The following CRACR2A variants were observed in gnomAD, a reference collection of about 807,000 sequenced individuals.
CRACR2A encodes the protein calcium release activated channel regulator 2A, also known as EF-hand calcium-binding domain-containing protein 4B.
CRACR2A carries 79 observed loss-of-function variants against 90.5 expected under a neutral mutation model. That is an observed-to-expected ratio of 0.87 (90% CI 0.73 to 1.05). The LOEUF (loss-of-function observed/expected upper bound fraction) is 1.05. CRACR2A is among the 50% of genes least tolerant of loss of function. The pLI, the probability that CRACR2A is intolerant of heterozygous loss-of-function variation, is 0.00. For missense variants in CRACR2A, 823 were observed against 897.2 expected (o/e 0.92, Z 1.06); for synonymous variants, 338 against 356.7 (o/e 0.95, Z 0.59).
chr12:3,734,223 C>T lies in CRACR2A; in HGVS notation c.-386-1013G>A, dbSNP rs185238993. Among the ~76,000 whole-genome samples the T allele has an allele frequency of 4.7e-3, 717 of 151,818 alleles. 3 individuals carry two copies. Among genetic ancestry groups the T allele is most frequent in the Middle Eastern group, 0.01 (3 of 294 alleles). On this transcript the variant is annotated intron_variant, in intron 1 of 19. Transcript: ENST00000440314. ...CTATCTCCTGACCTCGTGATCTGCC[C>T]GCCTCAGCCTCCCAAAGTGCTGGGA...
chr12:3,640,886 C>A, intron 13 of CRACR2A: 2 of 1,213,286 alleles, frequency 1.6e-6, no homozygotes, highest in Non-Finnish European at 1.1e-6. Flanking sequence ...TCATGTGCTG[C>A]CCAAGAGCAA....
chr12:3,669,378 T>C (rs541115368), intron 7 of CRACR2A, among the ~76,000 whole-genome samples: 1 of 152,288 alleles, frequency 6.6e-6, no homozygotes, highest in Non-Finnish European at 1.5e-5. Flanking sequence ...TTCTCCCCAA[T>C]GTCTACACTA....
intron 4 of CRACR2A, among the ~76,000 whole-genome samples, chr12:3,691,791 T>C (rs7972524): frequency 3.0e-3 from 460 of 152,386 alleles, no homozygotes; most frequent in African/African-American, 9.8e-3. Context: ...CAGTAAGTCA[T>C]AGATTTTGTC....
At chr12:3,744,470 CAG>C (rs971236673) in intron 1 of CRACR2A, among the ~76,000 whole-genome samples, 10 of 152,200 alleles carry the variant, frequency 6.6e-5, no homozygotes, top group African/African-American at 1.9e-4. Context: ...CAGGAAGAAT[CAG>C]AGAGTCCAGA....
At chr12:3,644,753 G>T in intron 11 of CRACR2A, 113 bp from the exon 12 acceptor site, 1 of 935,486 alleles carries the variant, frequency 1.1e-6, no homozygotes, top group Non-Finnish European at 1.7e-6. Context: ...ATGGAAGACA[G>T]GGGAGTCTGT....
At chr12:3,720,877 G>A (rs1946159084) in intron 2 of CRACR2A, among the ~76,000 whole-genome samples, 1 of 152,236 alleles carries the variant, frequency 6.6e-6, no homozygotes. Flanking sequence ...AGTATCAACT[G>A]TGTCATTCTA....
chr12:3,704,588 G>A (rs941480669), intron 3 of CRACR2A, among the ~76,000 whole-genome samples: 1 of 152,074 alleles, frequency 6.6e-6, no homozygotes, highest in African/African-American at 2.4e-5. Flanking sequence ...GTCAATAGCT[G>A]AACACATCTA....
chr12:3,654,114 C>T (rs1289389174), intron 10 of CRACR2A, 98 bp downstream of exon 10: 2 of 1,422,018 alleles, frequency 1.4e-6, no homozygotes, highest in Non-Finnish European at 1.9e-6. Context: ...CCTCTTTTCA[C>T]AGGCAAGGAG....
intron 17 of CRACR2A, among the ~76,000 whole-genome samples, chr12:3,623,566 G>C (rs945413065): frequency 6.6e-6 from 1 of 152,184 alleles, no homozygotes; most frequent in Non-Finnish European, 1.5e-5. Context: ...ATGGCCACAC[G>C]TGGGGCCTTA....
At chr12:3,680,088 G>C in intron 5 of CRACR2A, 150 bp downstream of exon 5, 1 of 604,424 alleles carries the variant, frequency 1.7e-6, no homozygotes, top group Non-Finnish European at 2.9e-6. Flanking sequence ...AAGCAATCTA[G>C]AGCCTGGAGA....
chr12:3,621,183 T>C (rs1413121994), intron 17 of CRACR2A, among the ~76,000 whole-genome samples: 1 of 152,178 alleles, frequency 6.6e-6, no homozygotes. Flanking sequence ...AGCATCAGAC[T>C]TGAAATCCCA....
chr12:3,629,754 G>A (rs541220087), intron 15 of CRACR2A, among the ~76,000 whole-genome samples: 22 of 151,478 alleles, frequency 1.5e-4, no homozygotes, highest in Non-Finnish European at 2.5e-4. Context: ...CTGGACACGC[G>A]ACGTGTTTCT....
At chr12:3,747,083 A>T (rs1278856874) in intron 1 of CRACR2A, among the ~76,000 whole-genome samples, 1 of 152,244 alleles carries the variant, frequency 6.6e-6, no homozygotes, top group African/African-American at 2.4e-5. Flanking sequence ...AGTAGAACCC[A>T]GACTCTGCAC....
At chr12:3,651,765 G>A (rs1351556737) in intron 10 of CRACR2A, among the ~76,000 whole-genome samples, 1 of 152,094 alleles carries the variant, frequency 6.6e-6, no homozygotes, top group African/African-American at 2.4e-5. Context: ...AGGAGAACTG[G>A]GCTCTGTCCT....
At chr12:3,712,306 C>A (rs114720032) in intron 3 of CRACR2A, among the ~76,000 whole-genome samples, 1,778 of 152,056 alleles carry the variant, frequency 0.012, 41 homozygotes, top group African/African-American at 0.04. Flanking sequence ...AAGAAATACT[C>A]GAGACTGGGT....
Position 3,739,769 on chromosome 12 carries a change from A to T in CRACR2A, c.-386-6559T>A, listed in dbSNP as rs190380025. Among the ~76,000 whole-genome samples the T allele has an allele frequency of 1.1e-3, 168 of 152,194 alleles. 2 individuals are homozygous for T. In the East Asian group the frequency reaches 0.021, roughly 19 times the overall value. Reference sequence around the variant, plus strand: ...GTCAACATGGTGAAACCCCGTTTCTACTAAAAATACAAAAATCAGCCGGAC... The same window carrying T: ...GTCAACATGGTGAAACCCCGTTTCTTCTAAAAATACAAAAATCAGCCGGAC... On this transcript the variant is annotated intron_variant, in intron 1 of 19. Coordinates refer to ENST00000440314, the MANE Select transcript of CRACR2A (RefSeq NM_001144958.2).
intron 1 of CRACR2A, among the ~76,000 whole-genome samples, chr12:3,736,512 G>A (rs1946452253): frequency 6.6e-6 from 1 of 152,046 alleles, no homozygotes; most frequent in Non-Finnish European, 1.5e-5. Flanking sequence ...CTGGTGTGCA[G>A]GAGTGGGGAC....
chr12:3,717,553 G>A (rs1489003614), intron 2 of CRACR2A, among the ~76,000 whole-genome samples: 3 of 152,100 alleles, frequency 2.0e-5, no homozygotes, highest in Non-Finnish European at 1.5e-5. Context: ...ACCACCGACT[G>A]AACGATAACA....
rs1174850359 is a variant in CRACR2A, at chr12:3,633,640, C to T, written c.1699G>A (p.Glu567Lys). ...GCCATGCCTGGGGAGAACCGGTCCT[C>T]ACAGAATCTCCTCAGGAAGGATGTC... ...GKTSFLRRFC[E>K]DRFSPGMAAT... The change falls in exon 15 of 20, where the codon GAG becomes AAG. Residue 567 changes from glutamate to lysine, a missense_variant. Coordinates refer to ENST00000440314, the MANE Select transcript of CRACR2A (RefSeq NM_001144958.2). This position sits in a 1 kb window ranked among gnomAD's most constrained non-coding sequence, Gnocchi z 4.5. 2.6e-6 allele frequency: 4 copies of T among 1,551,760 alleles called. No homozygotes were observed. The highest frequency in any genetic ancestry group is 3.5e-6 in the Non-Finnish European group (4 of 1,147,006).
Sources: allele counts gnomAD v4.1 joint callset (sites outside exome capture counted in the v4.1 genomes callset), GRCh38; gene constraint gnomAD v4.1.1; non-coding constraint Gnocchi (gnomAD v3.1); transcripts MANE v1.5; gene names NCBI Gene and HGNC (gene_info 2026-07-23, HGNC 2026-07-21).